The following GARIN2 variants were observed in gnomAD, a reference collection of about 807,000 sequenced individuals.
GARIN2 encodes the protein Golgi-associated RAB2 interactor protein 2.
At chr14:67,225,676 A>G in the GARIN2 span, among the ~76,000 whole-genome samples, 1 of 152,128 alleles carries the variant, frequency 6.6e-6, no homozygotes, top group Admixed American at 6.5e-5. Flanking sequence ...TGTCATGTAC[A>G]GTTATGTAGC....
the GARIN2 span, among the ~76,000 whole-genome samples, chr14:67,218,398 T>G: frequency 6.6e-6 from 1 of 152,178 alleles, no homozygotes; most frequent in Non-Finnish European, 1.5e-5. Context: ...TTCTCAAATC[T>G]GGAACACAAG....
the GARIN2 span, chr14:67,225,165 C>G: frequency 1.9e-6 from 3 of 1,583,754 alleles, no homozygotes; most frequent in Non-Finnish European, 2.6e-6. Flanking sequence ...CAAACTTGTG[C>G]CTCATCTGTC....
At chr14:67,213,083 G>T in the GARIN2 span, among the ~76,000 whole-genome samples, 2 of 144,476 alleles carry the variant, frequency 1.4e-5, no homozygotes, top group Admixed American at 7.0e-5. Context: ...ATGGGGCATA[G>T]AATTCTGTGG....
the GARIN2 span, chr14:67,197,307 G>C: frequency 6.6e-6 from 1 of 152,170 alleles, no homozygotes; most frequent in African/African-American, 2.4e-5. Flanking sequence ...AAACTGAAGT[G>C]AGTTAAAAAC....
chr14:67,198,914 A>G, the GARIN2 span: 13 of 696,462 alleles, frequency 1.9e-5, no homozygotes, highest in Non-Finnish European at 2.9e-5. Context: ...TAGAAATTCC[A>G]TAACAAAGTC....
At chr14:67,195,290 C>T in the GARIN2 span, among the ~76,000 whole-genome samples, 3 of 152,112 alleles carry the variant, frequency 2.0e-5, no homozygotes, top group African/African-American at 7.2e-5. Flanking sequence ...TCCTTGAATT[C>T]CTTCCTTTTC....
chr14:67,220,705 T>C, the GARIN2 span, among the ~76,000 whole-genome samples: 1 of 152,226 alleles, frequency 6.6e-6, no homozygotes, highest in Non-Finnish European at 1.5e-5. Context: ...GGCTTTATTT[T>C]AATTTGCATC....
chr14:67,223,715 C>A, the GARIN2 span: 3 of 979,526 alleles, frequency 3.1e-6, no homozygotes, highest in Non-Finnish European at 3.6e-6. Flanking sequence ...TTCTTTCCAC[C>A]TTTTTCTCCC....
chr14:67,225,343 G>A, the GARIN2 span: 43 of 940,088 alleles, frequency 4.6e-5, no homozygotes, highest in African/African-American at 6.7e-4. Context: ...GTTAATAAGT[G>A]GGATCTTTTA....
chr14:67,198,886 T>A, the GARIN2 span: 1 of 682,780 alleles, frequency 1.5e-6, no homozygotes, highest in East Asian at 2.8e-5. Context: ...ATGATAGGGG[T>A]CATACCTCTA....
the GARIN2 span, among the ~76,000 whole-genome samples, chr14:67,193,385 AT>A: frequency 7.1e-6 from 1 of 140,336 alleles, no homozygotes; most frequent in Non-Finnish European, 1.5e-5. Context: ...ATCTAGATAT[AT>A]CTAGATATAT....
At chr14:67,208,197 T>G in the GARIN2 span, 1 of 1,612,494 alleles carries the variant, frequency 6.2e-7, no homozygotes, top group Non-Finnish European at 8.5e-7. Flanking sequence ...TTTTTATTTT[T>G]AAAGGAAAAA....
At chr14:67,203,364 A>G in the GARIN2 span, 1 of 1,286,564 alleles carries the variant, frequency 7.8e-7, no homozygotes. Flanking sequence ...CTGAAAACGG[A>G]AACACTGATG....
the GARIN2 span, among the ~76,000 whole-genome samples, chr14:67,209,844 G>GA: frequency 6.9e-6 from 1 of 144,978 alleles, no homozygotes; most frequent in African/African-American, 2.5e-5. Flanking sequence ...AAAAAGAAAC[G>GA]AAAAAGTATA....
At chr14:67,224,500 T>G in the GARIN2 span, 1 of 171,280 alleles carries the variant, frequency 5.8e-6, no homozygotes, top group East Asian at 1.8e-4. Context: ...GACCTCATGA[T>G]CCGCCCACCT....
chr14:67,201,911 G>T, the GARIN2 span, among the ~76,000 whole-genome samples: 6 of 152,252 alleles, frequency 3.9e-5, no homozygotes, highest in East Asian at 1.2e-3. Flanking sequence ...AAGTGGCAGA[G>T]ATTTTACTGG....
chr14:67,204,841 G>T, the GARIN2 span: 1 of 1,613,854 alleles, frequency 6.2e-7, no homozygotes, highest in Non-Finnish European at 8.5e-7. Context: ...CATGTATGCA[G>T]GTACAGGCCC....
At chr14:67,222,008 C>A in the GARIN2 span, 1 of 613,598 alleles carries the variant, frequency 1.6e-6, no homozygotes, top group Non-Finnish European at 2.7e-6. Flanking sequence ...GGCTATCTTT[C>A]AAGTGGAAAA....
chr14:67,219,254 G>T, the GARIN2 span, among the ~76,000 whole-genome samples: 1 of 152,178 alleles, frequency 6.6e-6, no homozygotes, highest in African/African-American at 2.4e-5. Context: ...AGCAATGGGG[G>T]CTGGTGGGGC....
Sources: allele counts gnomAD v4.1 joint callset (sites outside exome capture counted in the v4.1 genomes callset), GRCh38; gene constraint gnomAD v4.1.1; transcripts MANE v1.5; gene names NCBI Gene and HGNC (gene_info 2026-07-23, HGNC 2026-07-21).